Variants in NME9 observed in about 807,000 individuals in gnomAD.
NME9 encodes the protein NME/NM23 family member 9.
In NME9, 48 loss-of-function variants were observed where a neutral mutation model predicts 44.4. That is an observed-to-expected ratio of 1.08 (90% CI 0.86 to 1.37). NME9 has a LOEUF of 1.37. Ranked by LOEUF, NME9 falls within the 40% of genes most tolerant of loss-of-function variation. NME9 has a pLI of 0.00. For missense variants in NME9, 325 were observed against 405.2 expected, an observed-to-expected ratio of 0.80 and a Z score of 1.70; for synonymous variants, 139 against 147.1, an observed-to-expected ratio of 0.94 and a Z score of 0.40.
chr3:138,273,821 C>CCT, intron 8 of NME9, among the ~76,000 whole-genome samples: 1 of 145,226 alleles, frequency 6.9e-6, no homozygotes, highest in African/African-American at 2.5e-5. Context: ...ATGCTTCCCC[C>CCT]TTTTTTTTTT....
rs955387884 is a variant in NME9, at chr3:138,303,653, T to C, written c.792-10A>G. On this transcript the variant is annotated splice_polypyrimidine_tract_variant and intron_variant, in intron 9 of 10. Transcript: ENST00000333911. ...GTACTGAGCTCGGAGACTGGGAACA[T>C]TGGCAAAATGTAAAAGAAACAATTG... The C allele has an allele frequency of 6.3e-7, 1 of 1,589,028 alleles. No individual in the cohort carries two copies. The highest frequency in any genetic ancestry group is 1.3e-5 in the African/African-American group (1 of 74,170).
chr3:138,264,140 C>G (rs2048024841), intron 8 of NME9: 1 of 1,613,124 alleles, frequency 6.2e-7, no homozygotes. Context: ...GATGTTTGCA[C>G]AGTTTATCCA....
At chr3:138,273,175 T>A in intron 8 of NME9, 1 of 1,500,286 alleles carries the variant, frequency 6.7e-7, no homozygotes, top group Non-Finnish European at 9.1e-7. Context: ...TTGCAAGACA[T>A]TGCTCTCTCT....
At chr3:138,327,853 C>G (rs1432397574) in intron 1 of NME9, among the ~76,000 whole-genome samples, 1 of 152,126 alleles carries the variant, frequency 6.6e-6, no homozygotes, top group Non-Finnish European at 1.5e-5. Flanking sequence ...AAAATAACAA[C>G]ATTGCTAACA....
intron 8 of NME9, among the ~76,000 whole-genome samples, chr3:138,294,055 G>A (rs1245861902): frequency 1.3e-5 from 2 of 152,078 alleles, no homozygotes; most frequent in Non-Finnish European, 2.9e-5. Context: ...GACAATAAAG[G>A]TACAGTCTCT....
At chr3:138,323,831 G>A (rs903986282) in intron 2 of NME9, among the ~76,000 whole-genome samples, 2 of 152,182 alleles carry the variant, frequency 1.3e-5, no homozygotes, top group Non-Finnish European at 2.9e-5. Flanking sequence ...TACAGTGAAT[G>A]AGAAAGAGAA....
Position 138,316,803 on chromosome 3 carries a change from C to T in NME9, c.268-1160G>A, listed in dbSNP as rs185933104. 1.8e-3 allele frequency among the ~76,000 whole-genome samples: 272 copies of T among 152,146 alleles called. 1 individual carries two copies. Among genetic ancestry groups the T allele is most frequent in the African/African-American group, 6.1e-3 (254 of 41,506 alleles). On this transcript the variant is annotated intron_variant, in intron 4 of 10. Coordinates refer to ENST00000333911, the MANE Select transcript of NME9 (RefSeq NM_001349018.2). ...CTAATTTTTGTATTTTTAGCAGAGA[C>T]GGCGTTTCACCATGTTGGCCAGGCT...
chr3:138,274,233 ATGTGTG>A (rs142329302), intron 8 of NME9, among the ~76,000 whole-genome samples: 17 of 142,342 alleles, frequency 1.2e-4, no homozygotes, highest in Admixed American at 3.5e-4. Context: ...GTGTATATAC[ATGTGTG>A]TGTGTGTGTG....
chr3:138,282,557 C>T (rs975112416), intron 8 of NME9, among the ~76,000 whole-genome samples: 1 of 147,828 alleles, frequency 6.8e-6, no homozygotes, highest in African/African-American at 2.5e-5. Flanking sequence ...AGGCAGGGAG[C>T]ATTGCTTGAA....
chr3:138,301,853 TTAAA>T (rs1356894309), intron 10 of NME9, 149 bp from the exon 11 acceptor site: 10 of 618,470 alleles, frequency 1.6e-5, no homozygotes, highest in East Asian at 2.8e-5. Flanking sequence ...GGACCAGGAA[TTAAA>T]TAAATTAGAA....
At chr3:138,316,139 T>C (rs969491691) in intron 4 of NME9, among the ~76,000 whole-genome samples, 1 of 152,122 alleles carries the variant, frequency 6.6e-6, no homozygotes, top group Non-Finnish European at 1.5e-5. Context: ...GCCAGTCTGC[T>C]CCTAGTTTTA....
intron 8 of NME9, among the ~76,000 whole-genome samples, chr3:138,283,038 C>T (rs912451040): frequency 6.6e-6 from 1 of 152,214 alleles, no homozygotes; most frequent in African/African-American, 2.4e-5. Context: ...TAAAGCCCTC[C>T]TCAACATGAT....
At chr3:138,308,273 AC>A (rs1434832666) in intron 6 of NME9, among the ~76,000 whole-genome samples, 12 of 152,142 alleles carry the variant, frequency 7.9e-5, no homozygotes, top group African/African-American at 2.7e-4. Flanking sequence ...TATTCTCCAC[AC>A]ATGTAAAAAC....
intron 8 of NME9, among the ~76,000 whole-genome samples, chr3:138,262,839 G>A (rs2047889057): frequency 6.6e-6 from 1 of 152,196 alleles, no homozygotes; most frequent in Admixed American, 6.5e-5. Flanking sequence ...ACCTTAACCA[G>A]GGCTGTATTA....
chr3:138,322,440 A>C (rs2053526485), intron 2 of NME9, among the ~76,000 whole-genome samples: 1 of 151,978 alleles, frequency 6.6e-6, no homozygotes, highest in Non-Finnish European at 1.5e-5. Context: ...AGAGGAAGCA[A>C]AACAGAGAAG....
In NME9 at chr3:138,319,491, A is replaced by T. The variant is rs1424567607; in HGVS notation, c.182T>A (p.Leu61Gln). Residue 61 changes from leucine to glutamine, a missense_variant, in exon 3 of 11, where the codon CTG (leucine) becomes CAG (glutamine). Transcript: ENST00000333911. ...KMRIEVGLDL[L>Q]HFALAEADRL... ...AGAGAATCTTACTAATGCAAAGTGC[A>T]GAAGGTCCAGGCCGACCTCGATCCT... The T allele has an allele frequency of 1.2e-6, 2 of 1,600,508 alleles. No individual in the cohort carries two copies. The highest frequency in any genetic ancestry group is 2.7e-5 in the African/African-American group (2 of 74,682).
chr3:138,325,297 C>T (rs2053711172), intron 1 of NME9, among the ~76,000 whole-genome samples: 1 of 151,992 alleles, frequency 6.6e-6, no homozygotes, highest in Non-Finnish European at 1.5e-5. Context: ...AATTTATTGC[C>T]ATTCACTCAC....
Position 138,301,677 on chromosome 3 carries a change from G to A in NME9, c.956C>T (p.Pro319Leu), listed in dbSNP as rs1484783642. Residue 319 changes from proline to leucine, a missense_variant, in exon 11 of 11, where the codon CCC becomes CTC. Pro to Leu is a moderately conservative substitution (Grantham distance 98, BLOSUM62 -3). Coordinates refer to ENST00000333911, the MANE Select transcript of NME9 (RefSeq NM_001349018.2). The part of the protein sequence containing the change: ...QGGEAEATAG[P>L]TEALCFPEDV... ...CTCAGGAAAGCAAAGCGCCTCAGTG[G>A]GCCCCGCTGTTGCTTCAGCCTCACC... 6.5e-6 allele frequency: 10 copies of A among 1,536,066 alleles called. No individual in the cohort carries two copies. Among genetic ancestry groups the A allele is most frequent in the Non-Finnish European group, 7.8e-6 (9 of 1,146,888 alleles).
intron 8 of NME9, chr3:138,274,420 A>T: frequency 7.0e-7 from 1 of 1,437,238 alleles, no homozygotes; most frequent in Non-Finnish European, 9.7e-7. Flanking sequence ...TGTTTCTTTG[A>T]TAATTATGGA....
Sources: allele counts gnomAD v4.1 joint callset (sites outside exome capture counted in the v4.1 genomes callset), GRCh38; gene constraint gnomAD v4.1.1; transcripts MANE v1.5; gene names NCBI Gene and HGNC (gene_info 2026-07-23, HGNC 2026-07-21).